FYB2: variants seen among roughly 807,000 people sequenced by gnomAD.
FYB2 encodes the protein FYN-binding protein 2.
In FYB2, 103 loss-of-function variants were observed where a neutral mutation model predicts 94.1. That is an observed-to-expected ratio of 1.09 (90% CI 0.93 to 1.29). The LOEUF is 1.29. Among genes scored for constraint, FYB2 ranks in the 50% most tolerant of loss-of-function variants. The pLI is 0.00. For missense variants in FYB2, 896 were observed against 841.5 expected (o/e 1.06, Z -0.80); for synonymous variants, 293 against 287.9 (o/e 1.02, Z -0.18).
At chr1:56,776,953 G>GATATCAGATAACTTT (rs1570111199) in intron 4 of FYB2, among the ~76,000 whole-genome samples, 1 of 14,438 alleles carries the variant, frequency 6.9e-5, no homozygotes. Flanking sequence ...GAAGGCCCAG[G>GATATCAGATAACTTT]CCGGGCGCGG....
Position 56,789,015 on chromosome 1 carries a change from A to G in FYB2, c.877T>C (p.Phe293Leu). 1.2e-6 allele frequency: 2 copies of G among 1,614,080 alleles called. No individual in the cohort carries two copies. Reference protein sequence around the residue: ...SRPPIVNLQAFQRQPAAVPKT... With the variant: ...SRPPIVNLQALQRQPAAVPKT... The stretch of plus-strand genomic sequence containing the variant: ...GGAACAGCAGCTGGCTGCCTCTGAA[A>G]GGCCTGGAGGTTCACGATGGGAGGT... The change falls in exon 3 of 20, where the codon TTT (phenylalanine) becomes CTT (leucine). Residue 293 changes from phenylalanine to leucine, a missense_variant. Transcript: ENST00000343433.
At chr1:56,737,320 C>G (rs1644850400) in intron 14 of FYB2, 173 bp from the exon 15 acceptor site, 5 of 442,622 alleles carry the variant, frequency 1.1e-5, no homozygotes, top group Non-Finnish European at 2.0e-5. Context: ...TAAAAATATT[C>G]TCTATTTGGG....
chr1:56,735,314 T>C (rs1351906381), intron 15 of FYB2, among the ~76,000 whole-genome samples: 1 of 151,980 alleles, frequency 6.6e-6, no homozygotes, highest in Non-Finnish European at 1.5e-5. Context: ...CACAGCAACA[T>C]GGATAGAAGT....
intron 4 of FYB2, among the ~76,000 whole-genome samples, chr1:56,785,915 G>A (rs1462167045): frequency 6.6e-6 from 1 of 152,090 alleles, no homozygotes; most frequent in Non-Finnish European, 1.5e-5. Context: ...CTCTGCTTCT[G>A]GGCTTGGCCA....
At chr1:56,767,198 T>G (rs746333516) in intron 5 of FYB2, among the ~76,000 whole-genome samples, 4 of 152,238 alleles carry the variant, frequency 2.6e-5, no homozygotes, top group Non-Finnish European at 5.9e-5. Context: ...GAGAACTGGC[T>G]GATACTATAG....
chr1:56,778,905 T>G (rs1379908402), intron 4 of FYB2, among the ~76,000 whole-genome samples: 2 of 152,244 alleles, frequency 1.3e-5, no homozygotes, highest in South Asian at 2.1e-4. Context: ...GGCGGGCACA[T>G]AGTTGGAGTT....
At chr1:56,787,282 T>A in intron 3 of FYB2, 74 bp from the exon 4 acceptor site, 2 of 1,555,602 alleles carry the variant, frequency 1.3e-6, no homozygotes, top group Admixed American at 3.3e-5. Flanking sequence ...GCTTGTGTGA[T>A]GACTTGATCC....
intron 4 of FYB2, among the ~76,000 whole-genome samples, chr1:56,781,548 A>G (rs934764538): frequency 6.6e-6 from 1 of 152,240 alleles, no homozygotes; most frequent in African/African-American, 2.4e-5. Context: ...TCATGTATAA[A>G]GTACTTAGAA....
intron 4 of FYB2, among the ~76,000 whole-genome samples, chr1:56,772,552 C>A (rs1294562993): frequency 6.6e-6 from 1 of 152,116 alleles, no homozygotes; most frequent in African/African-American, 2.4e-5. Flanking sequence ...TGATTTAAAT[C>A]TATGCTTCAA....
intron 19 of FYB2, 46 bp downstream of exon 19, chr1:56,719,976 A>G (rs1356170642): frequency 1.3e-6 from 2 of 1,515,490 alleles, no homozygotes; most frequent in Non-Finnish European, 1.8e-6. Flanking sequence ...GTATACAACA[A>G]TGTATTAGGA....
In FYB2 at chr1:56,792,805, T is replaced by A; in HGVS notation, c.10-2A>T. 6.2e-7 allele frequency: 1 copy of A among 1,603,104 alleles called. No individual in the cohort carries two copies. Among genetic ancestry groups the A allele is most frequent in the Non-Finnish European group, 8.5e-7 (1 of 1,174,336 alleles). ...TTCCTTGAAGTTTCTTACCCCTTCC[T>A]AAGGCAAAGAATAATCAAACAAACA... On this transcript the variant is annotated splice_acceptor_variant, in intron 1 of 19. Transcript: ENST00000343433. LOFTEE classifies it high-confidence loss of function.
At chr1:56,722,339 C>T (rs985598102) in intron 17 of FYB2, among the ~76,000 whole-genome samples, 1 of 152,080 alleles carries the variant, frequency 6.6e-6, no homozygotes, top group African/African-American at 2.4e-5. Context: ...ATGCTCTGCA[C>T]ATGGATATAA....
intron 14 of FYB2, 52 bp from the exon 15 acceptor site, chr1:56,737,199 A>T (rs6656021): frequency 0.18 from 246,980 of 1,387,292 alleles, 25,311 homozygotes; most frequent in African/African-American, 0.41. Context: ...GGTTTATATA[A>T]GCACTGACTT....
intron 15 of FYB2, among the ~76,000 whole-genome samples, chr1:56,736,158 T>G (rs1204147484): frequency 6.6e-6 from 1 of 152,076 alleles, no homozygotes; most frequent in African/African-American, 2.4e-5. Flanking sequence ...ACTAGTATTT[T>G]TTTTCCTTTG....
chr1:56,733,268 G>A (rs1484213426), intron 15 of FYB2, among the ~76,000 whole-genome samples: 3 of 152,074 alleles, frequency 2.0e-5, no homozygotes, highest in East Asian at 3.9e-4. Flanking sequence ...TGTGGGATTG[G>A]TGGTGATATC....
rs143955713 is a variant in FYB2 at position 56,728,803 on chromosome 1, T to C, written c.1794-2220A>G. ...GCAACCAAATTCCAATGTGTAATTA[T>C]AGACTTATTTTTTCATTTGTTTATT... is the stretch of plus-strand genomic sequence containing the variant. On this transcript the variant is annotated intron_variant, in intron 15 of 19. Coordinates refer to ENST00000343433, the MANE Select transcript of FYB2 (RefSeq NM_001004303.5). Among the ~76,000 whole-genome samples, 21 of 152,290 alleles carry C rather than the reference T, an allele frequency of 1.4e-4. No homozygotes were observed. The East Asian group carries it at 1.7e-3, about 13-fold the overall frequency.
chr1:56,783,687 TAAAC>T (rs746466485), intron 4 of FYB2, among the ~76,000 whole-genome samples: 12 of 152,208 alleles, frequency 7.9e-5, no homozygotes, highest in African/African-American at 1.2e-4. Context: ...AATAAATAAA[TAAAC>T]AAAGAAGCGT....
chr1:56,745,178 T>C (rs1645040880), intron 9 of FYB2, among the ~76,000 whole-genome samples: 1 of 152,044 alleles, frequency 6.6e-6, no homozygotes, highest in Non-Finnish European at 1.5e-5. Flanking sequence ...CTTCTTAGTC[T>C]GCAGCATTTA....
chr1:56,770,351 A>G (rs1645725603), intron 4 of FYB2, among the ~76,000 whole-genome samples: 1 of 152,158 alleles, frequency 6.6e-6, no homozygotes, highest in Non-Finnish European at 1.5e-5. Context: ...TCTACCAAAT[A>G]GTTTTATAGA....
Sources: allele counts gnomAD v4.1 joint callset (sites outside exome capture counted in the v4.1 genomes callset), GRCh38; gene constraint gnomAD v4.1.1; transcripts MANE v1.5; gene names NCBI Gene and HGNC (gene_info 2026-07-23, HGNC 2026-07-21).